STXBP5: variants seen among roughly 807,000 people sequenced by gnomAD.
The protein encoded by STXBP5 is syntaxin binding protein 5.
A neutral mutation model predicts 152.4 loss-of-function variants in STXBP5; 50 were observed. That is an observed-to-expected ratio of 0.33 (90% confidence interval 0.26 to 0.42). The LOEUF (loss-of-function observed/expected upper bound fraction) is 0.42, where lower values mean the gene tolerates loss of function less well. Ranked by LOEUF, STXBP5 falls within the 10% of genes least tolerant of loss-of-function variation. The probability of loss-of-function intolerance (pLI) is 1.00; values close to 1 mark genes in which losing one functional copy is unlikely to be tolerated. For synonymous variants in STXBP5, 492 were observed against 494.7 expected (o/e 0.99, Z 0.07); for missense variants, 1,167 against 1,388.6 (o/e 0.84, Z 2.54).
chr6:147,247,877 A>C (rs1049916968), intron 4 of STXBP5, among the ~76,000 whole-genome samples: 2 of 152,214 alleles, frequency 1.3e-5, no homozygotes, highest in African/African-American at 4.8e-5. Flanking sequence ...TTCTAGTTCC[A>C]AAAGGGCCTT....
chr6:147,206,409 G>A (rs1776563556), intron 2 of STXBP5, among the ~76,000 whole-genome samples: 1 of 152,122 alleles, frequency 6.6e-6, no homozygotes. Flanking sequence ...TAAGGATGAG[G>A]TTTAAAGACA....
At chr6:147,302,348 G>A (rs1781864047) in intron 9 of STXBP5, among the ~76,000 whole-genome samples, 1 of 152,144 alleles carries the variant, frequency 6.6e-6, no homozygotes, top group African/African-American at 2.4e-5. Flanking sequence ...AAGAAAGCCA[G>A]CATAATACGC....
intron 19 of STXBP5, among the ~76,000 whole-genome samples, chr6:147,337,099 A>G (rs1783862831): frequency 6.6e-6 from 1 of 151,944 alleles, no homozygotes; most frequent in Non-Finnish European, 1.5e-5. Flanking sequence ...TGATCCTTAC[A>G]TCAAAGAACT....
intron 16 of STXBP5, among the ~76,000 whole-genome samples, chr6:147,318,088 G>C (rs1221540200): frequency 1.3e-5 from 2 of 152,110 alleles, no homozygotes; most frequent in East Asian, 3.8e-4. Flanking sequence ...CATAATTTCT[G>C]ATGCCTCCAA....
At position 147,363,321 on chromosome 6, in the gene STXBP5, C is replaced by G; in HGVS notation, c.2546-14C>G. ...TAAAATATTTCAGTTATTTACTAGA[C>G]TTCTATATTTTAGGTACTATATTGA... On this transcript the variant is annotated splice_polypyrimidine_tract_variant and intron_variant, in intron 23 of 27. Transcript: ENST00000321680. The G allele has an allele frequency of 6.5e-7, 1 of 1,546,202 alleles. No homozygotes were observed. The highest frequency in any genetic ancestry group is 1.3e-5 in the South Asian group (1 of 79,200).
intron 11 of STXBP5, among the ~76,000 whole-genome samples, chr6:147,312,805 G>A (rs1782451951): frequency 6.6e-6 from 1 of 152,056 alleles, no homozygotes; most frequent in Non-Finnish European, 1.5e-5. Context: ...TTCTGTCCTA[G>A]AATAACTTAT....
At chr6:147,217,189 G>T (rs757389545) in intron 2 of STXBP5, among the ~76,000 whole-genome samples, 10 of 151,516 alleles carry the variant, frequency 6.6e-5, no homozygotes, top group Non-Finnish European at 1.0e-4. Context: ...TCCTTTGTGC[G>T]TTTGTCTCTT....
At chr6:147,214,536 A>G (rs1312024570) in intron 2 of STXBP5, among the ~76,000 whole-genome samples, 2 of 152,196 alleles carry the variant, frequency 1.3e-5, no homozygotes, top group African/African-American at 2.4e-5. Flanking sequence ...CTCTGTTTAA[A>G]TAATTCTTAT....
chr6:147,314,923 A>G (rs1176259246), intron 14 of STXBP5, among the ~76,000 whole-genome samples: 1 of 152,158 alleles, frequency 6.6e-6, no homozygotes, highest in Admixed American at 6.5e-5. Flanking sequence ...TGTGTTCCAA[A>G]TCAACAGAAA....
chr6:147,298,218 G>A (rs535041449), intron 9 of STXBP5, among the ~76,000 whole-genome samples: 20 of 152,064 alleles, frequency 1.3e-4, no homozygotes, highest in African/African-American at 1.9e-4. Context: ...TAAAATAGGC[G>A]TTAAATCAAA....
At chr6:147,320,555 G>GTC (rs1782876939) in intron 16 of STXBP5, among the ~76,000 whole-genome samples, 1 of 76,546 alleles carries the variant, frequency 1.3e-5, no homozygotes, top group East Asian at 3.1e-4. Context: ...TAATTTGAGT[G>GTC]TGTGTGTGTG....
At chr6:147,328,763 A>C (rs1284102883) in intron 18 of STXBP5, 6 of 470,764 alleles carry the variant, frequency 1.3e-5, no homozygotes, top group Non-Finnish European at 2.6e-5. Flanking sequence ...CTATGAAAAA[A>C]CTACGTTCTT....
At chr6:147,373,617 A>T in intron 25 of STXBP5, 114 bp from the exon 26 acceptor site, 1 of 688,492 alleles carries the variant, frequency 1.5e-6, no homozygotes, top group African/African-American at 1.8e-5. Context: ...TTAATTGTGA[A>T]TCTCAACAGG....
intron 19 of STXBP5, among the ~76,000 whole-genome samples, chr6:147,335,873 C>A (rs375106519): frequency 4.6e-5 from 7 of 151,962 alleles, no homozygotes; most frequent in Admixed American, 1.3e-4. Flanking sequence ...GAAACTCAAA[C>A]ATGGTTCAGC....
chr6:147,339,490 C>G (rs893781548), intron 21 of STXBP5, 106 bp downstream of exon 21: 11 of 826,648 alleles, frequency 1.3e-5, no homozygotes, highest in Admixed American at 1.2e-4. Flanking sequence ...ATTTGTTGTT[C>G]CTATGCTAAA....
chr6:147,353,698 G>A (rs759816828), intron 22 of STXBP5, among the ~76,000 whole-genome samples: 2 of 152,082 alleles, frequency 1.3e-5, no homozygotes, highest in African/African-American at 2.4e-5. Flanking sequence ...ATTTAACCAT[G>A]TGAAAACCTA....
At chr6:147,237,489 A>G (rs1778337002) in intron 3 of STXBP5, among the ~76,000 whole-genome samples, 1 of 152,200 alleles carries the variant, frequency 6.6e-6, no homozygotes, top group East Asian at 1.9e-4. Flanking sequence ...GATGTGGTAA[A>G]CATTAAGAAA....
chr6:147,246,223 G>A (rs2115250208), intron 4 of STXBP5, among the ~76,000 whole-genome samples: 1 of 152,278 alleles, frequency 6.6e-6, no homozygotes, highest in Middle Eastern at 3.4e-3. Context: ...TTAAATAGGA[G>A]CAAGTCGTGG....
intron 21 of STXBP5, among the ~76,000 whole-genome samples, chr6:147,352,413 A>C (rs550666441): frequency 3.3e-5 from 5 of 152,086 alleles, no homozygotes; most frequent in Non-Finnish European, 5.9e-5. Flanking sequence ...AAGCGAGTGG[A>C]TCACTTGAGG....
Sources: allele counts gnomAD v4.1 joint callset (sites outside exome capture counted in the v4.1 genomes callset), GRCh38; gene constraint gnomAD v4.1.1; transcripts MANE v1.5; gene names NCBI Gene and HGNC (gene_info 2026-07-23, HGNC 2026-07-21).